Variants in TDP1 observed in about 807,000 individuals in gnomAD.
TDP1 encodes the protein tyrosyl-DNA phosphodiesterase 1, also known as tyr-DNA phosphodiesterase 1.
TDP1 carries 64 observed loss-of-function variants against 81.5 expected under a neutral mutation model. The ratio of observed to expected loss-of-function variants is 0.79; its 90% CI spans 0.64 to 0.97. The LOEUF (loss-of-function observed/expected upper bound fraction) is 0.97, where lower values mean the gene tolerates loss of function less well. Ranked by LOEUF, TDP1 falls within the 50% of genes least tolerant of loss-of-function variation. TDP1 has a pLI of 0.00. For missense variants in TDP1, 723 were observed against 743.8 expected (o/e 0.97, Z 0.33); for synonymous variants, 256 against 264.3 (o/e 0.97, Z 0.30).
At chr14:89,957,934 G>A (rs1213720758) in intron 2 of TDP1, among the ~76,000 whole-genome samples, 1 of 152,162 alleles carries the variant, frequency 6.6e-6, no homozygotes, top group Non-Finnish European at 1.5e-5. Flanking sequence ...GAATGCATTT[G>A]TCTTTCATCC....
rs1022390050 is a variant in TDP1, at chr14:89,989,213, TGGCGGG to T, written c.1317+131_1317+136del. 84 of 1,135,616 alleles carry T rather than the reference TGGCGGG, an allele frequency of 7.4e-5. 2 individuals are homozygous for T. The highest frequency in any genetic ancestry group is 9.5e-5 in the Non-Finnish European group (80 of 841,128). 70.3% of individuals were successfully genotyped at this position (1,135,616 alleles called of 1,614,324 possible). On this transcript the variant is annotated intron_variant, in intron 11 of 16. Coordinates refer to ENST00000335725, the MANE Select transcript of TDP1 (RefSeq NM_018319.4). ...TGTGATTCTTTTTTTTTTTTTGGCG[TGGCGGG>T]GGCGGGGTGCGGAAAGAGCAGTACA...
At chr14:89,970,706 T>C (rs1051198953) in intron 5 of TDP1, 10 of 412,528 alleles carry the variant, frequency 2.4e-5, no homozygotes, top group Admixed American at 6.4e-5. Context: ...GAACATTAGC[T>C]TTTCACTGCT....
Position 89,966,159 on chromosome 14 carries a change from C to G in TDP1, c.572C>G (p.Pro191Arg). The change falls in exon 4 of 17, where the codon CCT (proline) becomes CGT (arginine). Residue 191 changes from proline (P) to arginine (R), a missense_variant. Transcript: ENST00000335725. The part of the protein sequence containing the change: ...GALHIKDILS[P>R]LFGTLVSSAQ... ...TTTGTCTTCTCAGATATTTTATCTC[C>G]TTTATTTGGGACGCTTGTTTCTTCA... 6.2e-7 allele frequency: 1 copy of G among 1,605,886 alleles called. No individual in the cohort carries two copies. The highest frequency in any genetic ancestry group is 1.7e-5 in the Admixed American group (1 of 59,992).
chr14:89,967,203 A>G (rs1893041372), intron 4 of TDP1, 164 bp from the exon 5 acceptor site: 1 of 860,324 alleles, frequency 1.2e-6, no homozygotes, highest in Admixed American at 6.2e-5. Flanking sequence ...AAGATAAATT[A>G]TAGGTTTGTT....
At chr14:90,019,114 A>G in intron 14 of TDP1, 1 of 979,736 alleles carries the variant, frequency 1.0e-6, no homozygotes, top group Non-Finnish European at 1.2e-6. Flanking sequence ...ACTATCCCAA[A>G]TTAGCAATTA....
At chr14:90,002,934 T>C (rs1897303302) in intron 14 of TDP1, among the ~76,000 whole-genome samples, 1 of 152,050 alleles carries the variant, frequency 6.6e-6, no homozygotes, top group Non-Finnish European at 1.5e-5. Context: ...TGGTTATTTT[T>C]ATTTTATTTA....
intron 16 of TDP1, among the ~76,000 whole-genome samples, chr14:90,034,612 G>A (rs929622034): frequency 5.9e-5 from 9 of 152,184 alleles, no homozygotes; most frequent in African/African-American, 2.2e-4. Flanking sequence ...CAGACAGGAT[G>A]AGATATATAA....
At chr14:89,998,404 A>ATGTATGTATG (rs1398572562) in intron 14 of TDP1, among the ~76,000 whole-genome samples, 2 of 115,540 alleles carry the variant, frequency 1.7e-5, no homozygotes, top group South Asian at 2.5e-4. Flanking sequence ...ATATATATAT[A>ATGTATGTATG]TATATATATA....
At chr14:90,026,794 C>CT (rs1475966544) in intron 15 of TDP1, among the ~76,000 whole-genome samples, 1 of 152,152 alleles carries the variant, frequency 6.6e-6, no homozygotes, top group Non-Finnish European at 1.5e-5. Flanking sequence ...TGAACTCATC[C>CT]TTTTTTATGG....
At chr14:89,997,059 C>T (rs1650221937) in intron 14 of TDP1, among the ~76,000 whole-genome samples, 2 of 152,228 alleles carry the variant, frequency 1.3e-5, no homozygotes, top group African/African-American at 2.4e-5. Flanking sequence ...TAGTTAATTG[C>T]ACTTGTAATG....
chr14:90,016,504 C>A (rs1885327335), intron 14 of TDP1, among the ~76,000 whole-genome samples: 1 of 152,196 alleles, frequency 6.6e-6, no homozygotes, highest in African/African-American at 2.4e-5. Context: ...GACATCCACA[C>A]CTCCAGTGCC....
intron 2 of TDP1, among the ~76,000 whole-genome samples, chr14:89,958,967 G>A (rs919813975): frequency 2.6e-5 from 4 of 152,160 alleles, no homozygotes; most frequent in Non-Finnish European, 4.4e-5. Context: ...AAAATTGTTG[G>A]TGCCTGCAGA....
chr14:89,997,308 G>C (rs1229397172), intron 14 of TDP1, among the ~76,000 whole-genome samples: 1 of 152,188 alleles, frequency 6.6e-6, no homozygotes, highest in Non-Finnish European at 1.5e-5. Context: ...TGAAGCCTAG[G>C]ATTGAAGTGG....
Position 89,966,130 on chromosome 14 carries a change from A to G in TDP1, c.560-17A>G. On this transcript the variant is annotated splice_polypyrimidine_tract_variant and intron_variant, in intron 3 of 16. Transcript: ENST00000335725. ...ATTTTTGTGAGTGTGAATTTGATAT[A>G]TGTTTTGTCTTCTCAGATATTTTAT... 6.4e-7 allele frequency: 1 copy of G among 1,561,242 alleles called. No homozygotes were observed.
At chr14:90,017,306 C>T (rs1351489946) in intron 14 of TDP1, among the ~76,000 whole-genome samples, 1 of 147,286 alleles carries the variant, frequency 6.8e-6, no homozygotes, top group Non-Finnish European at 1.5e-5. Flanking sequence ...CCCAGGTGCC[C>T]GTGATTCAAA....
At chr14:89,998,377 TATATATA>T (rs1566890726) in intron 14 of TDP1, among the ~76,000 whole-genome samples, 7 of 5,518 alleles carry the variant, frequency 1.3e-3, no homozygotes, top group Admixed American at 2.4e-3. Context: ...GCACATTATA[TATATATA>T]TATATATATA....
At chr14:89,959,038 A>C (rs543840416) in intron 2 of TDP1, among the ~76,000 whole-genome samples, 1 of 152,330 alleles carries the variant, frequency 6.6e-6, no homozygotes, top group African/African-American at 2.4e-5. Flanking sequence ...CAACACTACA[A>C]CTTTCTTCTT....
chr14:90,002,294 T>C (rs1028712948), intron 14 of TDP1, among the ~76,000 whole-genome samples: 1 of 152,188 alleles, frequency 6.6e-6, no homozygotes, highest in African/African-American at 2.4e-5. Flanking sequence ...AGTCCAAAGA[T>C]CCAAGTCCTA....
intron 7 of TDP1, 24 bp downstream of exon 7, chr14:89,975,839 G>A (rs1894245779): frequency 6.3e-7 from 1 of 1,597,766 alleles, no homozygotes; most frequent in East Asian, 2.2e-5. Flanking sequence ...GTGAAATAGG[G>A]GAACCCCTCA....
Sources: gnomAD v4.1 joint callset for allele counts (sites outside exome capture counted in the v4.1 genomes callset) on GRCh38, gnomAD v4.1.1 for gene constraint, MANE v1.5 for transcripts, NCBI Gene and HGNC (gene_info 2026-07-23, HGNC 2026-07-21) for gene names.